The following CPEB3 variants were observed in gnomAD, a reference collection of about 807,000 sequenced individuals.
CPEB3 encodes cytoplasmic polyadenylation element-binding protein 3.
A neutral mutation model predicts 67.2 loss-of-function variants in CPEB3; 20 were observed. The observed-to-expected ratio is 0.30, with a 90% CI of 0.21 to 0.43. CPEB3 has a LOEUF of 0.43. CPEB3 is among the 20% of genes least tolerant of loss of function. The pLI is 1.00. For synonymous variants in CPEB3, 376 were observed against 393.1 expected (o/e 0.96, Z 0.51); for missense variants, 746 against 968.6 (o/e 0.77, Z 3.05).
At chr10:92,240,734 T>C (rs1851808965) in intron 1 of CPEB3, among the ~76,000 whole-genome samples, 2 of 152,236 alleles carry the variant, frequency 1.3e-5, no homozygotes, top group South Asian at 2.1e-4. Context: ...TCCTGTTTTT[T>C]CCCAAGCACC....
intron 6 of CPEB3, 112 bp from the exon 7 acceptor site, chr10:92,111,306 G>A (rs774842917): frequency 1.8e-5 from 14 of 774,720 alleles, no homozygotes; most frequent in Non-Finnish European, 3.2e-5. Flanking sequence ...TAAAATCTAA[G>A]AAGTTCAAGT....
At chr10:92,259,288 C>T (rs1397618265) in intron 1 of CPEB3, among the ~76,000 whole-genome samples, 1 of 151,734 alleles carries the variant, frequency 6.6e-6, no homozygotes, top group East Asian at 2.0e-4. Context: ...TAGAGCCCTG[C>T]TCAAACCCTA....
intron 2 of CPEB3, among the ~76,000 whole-genome samples, chr10:92,197,348 C>G (rs949691585): frequency 6.6e-6 from 1 of 151,918 alleles, no homozygotes; most frequent in African/African-American, 2.4e-5. Context: ...TCTGCAAAAA[C>G]AGAACAAAAA....
intron 1 of CPEB3, among the ~76,000 whole-genome samples, chr10:92,264,224 A>G (rs1852938957): frequency 6.6e-6 from 1 of 151,894 alleles, no homozygotes; most frequent in Admixed American, 6.6e-5. Flanking sequence ...ACTACTTGGG[A>G]GGCTGAGGTG....
At chr10:92,286,839 T>C (rs1842551838) in intron 1 of CPEB3, among the ~76,000 whole-genome samples, 1 of 152,148 alleles carries the variant, frequency 6.6e-6, no homozygotes, top group Admixed American at 6.6e-5. Flanking sequence ...ACAAGTATGA[T>C]GGAAGAACAT....
At chr10:92,193,830 T>TA (rs1849101323) in intron 2 of CPEB3, among the ~76,000 whole-genome samples, 1 of 151,188 alleles carries the variant, frequency 6.6e-6, no homozygotes, top group South Asian at 2.1e-4. Flanking sequence ...AGAGTCTGGC[T>TA]CTGTTGCCCA....
intron 2 of CPEB3, among the ~76,000 whole-genome samples, chr10:92,214,393 T>C (rs1043235302): frequency 1.3e-5 from 2 of 152,144 alleles, no homozygotes; most frequent in Non-Finnish European, 2.9e-5. Context: ...CTTCCCAGCC[T>C]CCAGAACTGT....
chr10:92,213,613 C>T (rs570945631), intron 2 of CPEB3, among the ~76,000 whole-genome samples: 79 of 152,222 alleles, frequency 5.2e-4, no homozygotes, highest in African/African-American at 1.7e-3. Context: ...TAAACATGTC[C>T]TAAATTTTTA....
intron 6 of CPEB3, chr10:92,118,664 C>G: frequency 1.5e-6 from 1 of 656,604 alleles, no homozygotes; most frequent in Non-Finnish European, 2.8e-6. Flanking sequence ...GATGGCTGCA[C>G]TCTTGCTGAG....
chr10:92,263,232 C>T (rs559969524), intron 1 of CPEB3, among the ~76,000 whole-genome samples: 12 of 152,186 alleles, frequency 7.9e-5, no homozygotes, highest in Non-Finnish European at 1.5e-4. Flanking sequence ...TGCACCACCA[C>T]ACCTGGCAAA....
intron 6 of CPEB3, among the ~76,000 whole-genome samples, chr10:92,142,138 G>C (rs1342227787): frequency 6.6e-6 from 1 of 151,528 alleles, no homozygotes; most frequent in Non-Finnish European, 1.5e-5. Flanking sequence ...AACTGACAAT[G>C]AAACCTAACA....
intron 6 of CPEB3, among the ~76,000 whole-genome samples, chr10:92,138,983 A>G (rs545792183): frequency 3.9e-4 from 59 of 152,308 alleles, no homozygotes; most frequent in African/African-American, 1.3e-3. Context: ...TGGATAAAGA[A>G]TATGTGGTAT....
chr10:92,282,017 C>T (rs963721210), intron 1 of CPEB3, among the ~76,000 whole-genome samples: 1 of 152,218 alleles, frequency 6.6e-6, no homozygotes, highest in Non-Finnish European at 1.5e-5. Context: ...AACTGCTGCT[C>T]TATGAAATCC....
At chr10:92,178,580 C>T (rs1392281567) in intron 4 of CPEB3, among the ~76,000 whole-genome samples, 4 of 152,108 alleles carry the variant, frequency 2.6e-5, no homozygotes, top group African/African-American at 9.7e-5. Flanking sequence ...GTGGCTCACA[C>T]CTTTAATCCC....
Position 92,242,495 on chromosome 10 carries a change from C to T in CPEB3, c.-11-2134G>A, listed in dbSNP as rs74149395. On this transcript the variant is annotated intron_variant, in intron 1 of 9. Transcript: ENST00000265997. ...GAGACATTTTCATACTTGGTTTAAA[C>T]GGTGCTGCAGTAAACCATTATAATC... 5.7e-3 allele frequency among the ~76,000 whole-genome samples: 861 copies of T among 152,280 alleles called. 9 individuals carry two copies. Among genetic ancestry groups the T allele is most frequent in the African/African-American group, 0.02 (821 of 41,538 alleles).
intron 7 of CPEB3, among the ~76,000 whole-genome samples, chr10:92,109,903 T>C (rs778851685): frequency 7.2e-5 from 11 of 152,212 alleles, no homozygotes; most frequent in Non-Finnish European, 1.5e-4. Flanking sequence ...AGTTCTAATC[T>C]TGCTCTATTG....
intron 2 of CPEB3, among the ~76,000 whole-genome samples, chr10:92,222,419 T>C (rs1216315818): frequency 6.6e-6 from 1 of 152,174 alleles, no homozygotes; most frequent in Non-Finnish European, 1.5e-5. Context: ...AAAAAATTAT[T>C]TGATGAAAAG....
At chr10:92,094,225 T>C (rs1200141256) in intron 7 of CPEB3, among the ~76,000 whole-genome samples, 1 of 152,066 alleles carries the variant, frequency 6.6e-6, no homozygotes, top group Non-Finnish European at 1.5e-5. Context: ...AAATCTCCAT[T>C]TCTTCCCCAG....
In CPEB3 at chr10:92,051,829, A is replaced by G. The variant is rs1841902800; in HGVS notation, c.*383T>C. 1 of 164,842 alleles carries G rather than the reference A, an allele frequency of 6.1e-6. No homozygotes were observed. The highest frequency in any genetic ancestry group is 2.4e-5 in the African/African-American group (1 of 41,724). The allele number at this position is 164,842 out of a possible 1,614,324, so 10.2% of individuals were successfully genotyped here. On this transcript the variant is annotated 3_prime_UTR_variant, in exon 10 of 10. Coordinates refer to ENST00000265997, the MANE Select transcript of CPEB3 (RefSeq NM_014912.5). The stretch of plus-strand genomic sequence containing the variant: ...GTTTCTGAAAATAAGTGCATGCTCC[A>G]GTTCAAAACAATCAGAACAACACCA...
Sources: allele counts gnomAD v4.1 joint callset (sites outside exome capture counted in the v4.1 genomes callset), GRCh38; gene constraint gnomAD v4.1.1; transcripts MANE v1.5; gene names NCBI Gene and HGNC (gene_info 2026-07-23, HGNC 2026-07-21).